The following NSD3 variants were observed in gnomAD, a reference collection of about 807,000 sequenced individuals.
NSD3 encodes the protein histone-lysine N-methyltransferase NSD3.
A neutral mutation model predicts 160.8 loss-of-function variants in NSD3; 24 were observed. The ratio of observed to expected loss-of-function variants is 0.15; its 90% CI spans 0.11 to 0.21. The LOEUF is 0.21. Ranked by LOEUF, NSD3 falls within the 10% of genes least tolerant of loss-of-function variation. NSD3 has a pLI of 1.00. For synonymous variants in NSD3, 520 were observed against 600.0 expected, an observed-to-expected ratio of 0.87 and a Z score of 1.95; for missense variants, 1,157 against 1,735.9, an observed-to-expected ratio of 0.67 and a Z score of 5.93.
chr8:38,307,565 T>C (rs911531609), intron 12 of NSD3, among the ~76,000 whole-genome samples: 1 of 152,128 alleles, frequency 6.6e-6, no homozygotes, highest in African/African-American at 2.4e-5. Flanking sequence ...TGTCCTTCGA[T>C]AGGGGAAGAG....
At chr8:38,359,175 T>A (rs1810898604) in intron 1 of NSD3, among the ~76,000 whole-genome samples, 1 of 152,146 alleles carries the variant, frequency 6.6e-6, no homozygotes, top group Admixed American at 6.6e-5. Flanking sequence ...TTAAAAAATT[T>A]TTAGTAATAC....
intron 2 of NSD3, among the ~76,000 whole-genome samples, chr8:38,345,381 GGA>G (rs1382714437): frequency 5.3e-5 from 8 of 150,596 alleles, no homozygotes; most frequent in Admixed American, 4.6e-4. Context: ...AGGGAGAGAG[GGA>G]GAGAGAGAGA....
intron 12 of NSD3, among the ~76,000 whole-genome samples, chr8:38,312,948 T>G (rs1809569067): frequency 6.6e-6 from 1 of 152,158 alleles, no homozygotes; most frequent in African/African-American, 2.4e-5. Flanking sequence ...ATGACTGAAT[T>G]TTAGAAAAAG....
rs1396268122 is a variant in NSD3 at position 38,331,498 on chromosome 8, T to C, written c.998A>G (p.His333Arg). The C allele has an allele frequency of 2.5e-6, 4 of 1,613,814 alleles. No individual in the cohort carries two copies. The South Asian group carries it at 4.4e-5, about 18-fold the overall frequency. Reference sequence around the variant, plus strand: ...AGCCAGTAATTCTTCATACTGTTTATGACCTTTATACTCTCGTACCCGTTT... The same window carrying C: ...AGCCAGTAATTCTTCATACTGTTTACGACCTTTATACTCTCGTACCCGTTT... The part of the protein sequence containing the change: ...HEKRVREYKG[H>R]KQYEELLAEA... The change falls in exon 5 of 24, where the codon CAT (histidine) becomes CGT (arginine). Residue 333 changes from histidine to arginine, a missense_variant. Physicochemically the swap from His to Arg is conservative, Grantham distance 29. Coordinates refer to ENST00000317025, the MANE Select transcript of NSD3 (RefSeq NM_023034.2).
chr8:38,335,991 T>C (rs1397570299), intron 4 of NSD3: 7 of 152,324 alleles, frequency 4.6e-5, no homozygotes, highest in Admixed American at 2.6e-4. Flanking sequence ...GCAGGTCACA[T>C]TGACAAGACG....
At chr8:38,295,668 CTT>C (rs372792522) in intron 16 of NSD3, 126 bp downstream of exon 16, 253 of 700,620 alleles carry the variant, frequency 3.6e-4, no homozygotes, top group South Asian at 5.6e-4. Flanking sequence ...TGGTTCTTTT[CTT>C]TTTTTTTTTT....
intron 2 of NSD3, among the ~76,000 whole-genome samples, chr8:38,347,030 A>C (rs1810555040): frequency 6.6e-6 from 1 of 152,208 alleles, no homozygotes; most frequent in South Asian, 2.1e-4. Context: ...GTTTTAATCA[A>C]TATTTATTAA....
rs750072695 is a variant in NSD3, at chr8:38,372,814, T to TA, written c.-45+8984dup. ...CCCGGCCGCAGGTTCTTACTATTAT[T>TA]AAAAAAAAAAAAAAAACCACCAGCC... is the stretch of plus-strand genomic sequence containing the variant. On this transcript the variant is annotated intron_variant, in intron 1 of 23. Coordinates refer to ENST00000317025, the MANE Select transcript of NSD3 (RefSeq NM_023034.2). Among the ~76,000 whole-genome samples, 1,099 of 121,782 alleles carry TA rather than the reference T, an allele frequency of 9.0e-3. 32 individuals carry two copies. In the East Asian group the frequency reaches 0.12, roughly 13 times the overall value. The allele number at this position is 121,782 out of a possible 152,430, so 79.9% of individuals were successfully genotyped here.
intron 1 of NSD3, among the ~76,000 whole-genome samples, chr8:38,381,254 G>A (rs1295519474): frequency 1.3e-5 from 2 of 151,796 alleles, no homozygotes; most frequent in African/African-American, 4.8e-5. Context: ...TCCTATTGCA[G>A]CCTGCCTCAT....
At chr8:38,363,768 C>T (rs1811043428) in intron 1 of NSD3, 1 of 151,688 alleles carries the variant, frequency 6.6e-6, no homozygotes, top group Admixed American at 6.6e-5. Flanking sequence ...CCATGTCAGA[C>T]ATCAAGAAAT....
chr8:38,298,177 GA>G (rs1295415509), intron 15 of NSD3, among the ~76,000 whole-genome samples: 1 of 152,130 alleles, frequency 6.6e-6, no homozygotes, highest in Non-Finnish European at 1.5e-5. Context: ...ACTGAGTACT[GA>G]AAACAAAGTA....
At chr8:38,305,120 G>T in intron 13 of NSD3, 128 bp downstream of exon 13, 1 of 919,814 alleles carries the variant, frequency 1.1e-6, no homozygotes, top group Non-Finnish European at 1.6e-6. Context: ...ATGTACTGTG[G>T]CTGAACTGTT....
chr8:38,293,442 C>A (rs529032574), intron 16 of NSD3, among the ~76,000 whole-genome samples: 1 of 146,692 alleles, frequency 6.8e-6, no homozygotes, highest in East Asian at 2.1e-4. Context: ...CCCAGCTACT[C>A]GGGGGGCTGA....
chr8:38,298,041 T>TA (rs917763363), intron 15 of NSD3, among the ~76,000 whole-genome samples: 26 of 150,460 alleles, frequency 1.7e-4, no homozygotes, highest in African/African-American at 4.9e-4. Flanking sequence ...ACAAGGGAAA[T>TA]AAAAAAAAAT....
At chr8:38,307,734 C>G (rs1004686484) in intron 12 of NSD3, among the ~76,000 whole-genome samples, 2 of 152,132 alleles carry the variant, frequency 1.3e-5, no homozygotes, top group Admixed American at 1.3e-4. Context: ...CAGGGCTACA[C>G]GTCAAACTGA....
Position 38,275,627 on chromosome 8 carries a change from G to GGGACACCC in NSD3, c.*13_*14insGGGTGTCC, listed in dbSNP as rs1336236968. On this transcript the variant is annotated 3_prime_UTR_variant, in exon 24 of 24. Transcript: ENST00000317025. ...CTTTTTTCACTTAAATAGAAAGGAGGGGACACCACACATTTATTCTTTTAC... is the reference window on the plus strand; with the variant it reads ...CTTTTTTCACTTAAATAGAAAGGAGGGGACACCCGGACACCACACATTTATTCTTTTAC... 1.2e-6 allele frequency: 2 copies of GGGACACCC among 1,606,778 alleles called. No individual in the cohort carries two copies. The highest frequency in any genetic ancestry group is 2.2e-5 in the South Asian group (2 of 90,524).
At chr8:38,327,851 C>CT (rs1226342982) in intron 6 of NSD3, among the ~76,000 whole-genome samples, 1 of 152,046 alleles carries the variant, frequency 6.6e-6, no homozygotes, top group African/African-American at 2.4e-5. Flanking sequence ...CTTAGGTCTC[C>CT]TTTTAGGTAT....
chr8:38,314,534 G>A (rs139218557), intron 12 of NSD3, 113 bp downstream of exon 12: 11 of 1,444,348 alleles, frequency 7.6e-6, no homozygotes, highest in East Asian at 7.1e-5. Flanking sequence ...GGGAAGAGAG[G>A]AGGAGGGCTA....
intron 1 of NSD3, among the ~76,000 whole-genome samples, chr8:38,372,376 A>G (rs1240874376): frequency 2.0e-5 from 3 of 152,156 alleles, no homozygotes; most frequent in Non-Finnish European, 4.4e-5. Flanking sequence ...ACTGACAATA[A>G]ATGTTAGAAA....
Sources: gnomAD v4.1 joint callset for allele counts (sites outside exome capture counted in the v4.1 genomes callset) on GRCh38, gnomAD v4.1.1 for gene constraint, MANE v1.5 for transcripts, NCBI Gene and HGNC (gene_info 2026-07-23, HGNC 2026-07-21) for gene names.